Variants in COL14A1 observed in about 807,000 individuals in gnomAD.
COL14A1 encodes collagen type XIV alpha 1 chain.
Under a neutral mutation model 230.3 loss-of-function variants are expected in COL14A1, and 136 were observed. That is an observed-to-expected ratio of 0.59 (90% confidence interval 0.51 to 0.68). The LOEUF (loss-of-function observed/expected upper bound fraction) is 0.68, where lower values mean the gene tolerates loss of function less well. COL14A1 is among the 30% of genes least tolerant of loss of function. COL14A1 has a pLI of 0.00. For missense variants in COL14A1, 1,976 were observed against 2,215.8 expected (o/e 0.89, Z 2.17); for synonymous variants, 792 against 784.1 (o/e 1.01, Z -0.17).
chr8:120,339,393 T>A (rs1243623863), intron 42 of COL14A1, among the ~76,000 whole-genome samples: 2 of 152,214 alleles, frequency 1.3e-5, no homozygotes, highest in Non-Finnish European at 2.9e-5. Context: ...CTCAGAAGGA[T>A]CCTTTGTGAG....
intron 44 of COL14A1, 112 bp downstream of exon 44, chr8:120,342,558 T>G (rs1822343333): frequency 1.0e-6 from 1 of 971,270 alleles, no homozygotes; most frequent in Non-Finnish European, 1.6e-6. Context: ...ATTGTCTTTG[T>G]GCAGACACAT....
intron 36 of COL14A1, among the ~76,000 whole-genome samples, chr8:120,305,762 T>C (rs6469909): frequency 0.54 from 82,015 of 151,892 alleles, 23,946 homozygotes; most frequent in African/African-American, 0.78. Flanking sequence ...TATTTTTGTC[T>C]TTAATTTTTG....
intron 14 of COL14A1, among the ~76,000 whole-genome samples, chr8:120,221,546 A>G (rs1224842207): frequency 1.6e-5 from 2 of 123,198 alleles, no homozygotes; most frequent in African/African-American, 6.9e-5. Context: ...TTTAACAGAT[A>G]CACACACACA....
rs1432961706 is a variant in COL14A1, at chr8:120,371,236, C to G, written c.*5C>G. On this transcript the variant is annotated 3_prime_UTR_variant, in exon 48 of 48. Transcript: ENST00000297848. ...CTGTGGGGCCCTGGAGTCTGATAGC[C>G]TCAGGAGAAATTTGAAGACCAACTG... 6.2e-7 allele frequency: 1 copy of G among 1,604,978 alleles called. No homozygotes were observed. The highest frequency in any genetic ancestry group is 1.1e-5 in the South Asian group (1 of 89,656).
At position 120,243,961 on chromosome 8, in the gene COL14A1, T is replaced by G; in HGVS notation, c.2432T>G (p.Ile811Ser). Reference sequence around the variant, plus strand: ...GAATACAAAGTCACAGTGACTCCCATCTACACGGATGGCGAAGGCGTCAGC... The same window carrying G: ...GAATACAAAGTCACAGTGACTCCCAGCTACACGGATGGCGAAGGCGTCAGC... ...DTEYKVTVTPIYTDGEGVSVS... is the reference protein window; with the variant it reads ...DTEYKVTVTPSYTDGEGVSVS... Residue 811 changes from isoleucine to serine, a missense_variant, in exon 20 of 48, where the codon ATC becomes AGC. Ile to Ser is a moderately radical substitution (Grantham distance 142). Transcript: ENST00000297848. 6.2e-7 allele frequency: 1 copy of G among 1,613,660 alleles called. No homozygotes were observed. Among genetic ancestry groups the G allele is most frequent in the East Asian group, 2.2e-5 (1 of 44,870 alleles).
intron 40 of COL14A1, among the ~76,000 whole-genome samples, chr8:120,331,925 C>T (rs1040322113): frequency 1.3e-5 from 2 of 152,150 alleles, no homozygotes; most frequent in African/African-American, 4.8e-5. Context: ...GCATTTCTTA[C>T]GCCTAAAATT....
chr8:120,185,922 G>C (rs1453569523), intron 5 of COL14A1, among the ~76,000 whole-genome samples: 1 of 152,082 alleles, frequency 6.6e-6, no homozygotes, highest in African/African-American at 2.4e-5. Context: ...ACTGACGCCT[G>C]CCACCACGAC....
rs574986046 is a variant in COL14A1, at chr8:120,181,951, C to T, written c.436+13704C>T. Among the ~76,000 whole-genome samples the T allele has an allele frequency of 2.8e-4, 43 of 152,166 alleles. No individual in the cohort carries two copies. In the South Asian group the frequency reaches 7.5e-3, roughly 26 times the overall value. On this transcript the variant is annotated intron_variant, in intron 5 of 47. Transcript: ENST00000297848. The stretch of plus-strand genomic sequence containing the variant: ...TAGGAGACAGAATGACACTCCTCCC[C>T]GTCACCCCCCTCCCCGAAAAGTTAT...
Position 120,283,731 on chromosome 8 carries a change from A to C in COL14A1, c.3920A>C (p.Glu1307Ala), listed in dbSNP as rs141399351. 5 of 1,613,098 alleles carry C rather than the reference A, an allele frequency of 3.1e-6. No homozygotes were observed. The highest frequency in any genetic ancestry group is 4.2e-6 in the Non-Finnish European group (5 of 1,179,766). Residue 1307 changes from glutamate (E) to alanine (A), a missense_variant, in exon 32 of 48, where the codon GAG (glutamate) becomes GCG (alanine). Around this residue, in one of 3 missense-constraint regions of COL14A1, gnomAD observed 1,791 missense variants for 2,019.5 expected, o/e 0.89. Transcript: ENST00000297848. The stretch of plus-strand genomic sequence containing the variant: ...CCACAGGAGCCATTTGCTCTTTGGG[A>C]GATTTTAAATAAAAATTCTGACCCA... ...DTPQEPFALW[E>A]ILNKNSDPLV...
chr8:120,350,799 C>T (rs1822725706), intron 45 of COL14A1, among the ~76,000 whole-genome samples: 1 of 151,120 alleles, frequency 6.6e-6, no homozygotes, highest in African/African-American at 2.4e-5. Context: ...GAGACTTTAA[C>T]ACCCCACTGT....
intron 14 of COL14A1, among the ~76,000 whole-genome samples, chr8:120,223,094 A>G (rs1364831611): frequency 1.3e-5 from 2 of 152,204 alleles, no homozygotes; most frequent in Admixed American, 6.5e-5. Context: ...TGGGAAAGGC[A>G]AGGACCTGAA....
chr8:120,370,186 A>C, intron 47 of COL14A1: 1 of 732,188 alleles, frequency 1.4e-6, no homozygotes, highest in South Asian at 1.7e-5. Flanking sequence ...GGGGCCATGA[A>C]CTTACTAGTT....
chr8:120,293,056 T>A (rs1307686139), intron 34 of COL14A1, among the ~76,000 whole-genome samples: 2 of 152,080 alleles, frequency 1.3e-5, no homozygotes, highest in Non-Finnish European at 2.9e-5. Context: ...TCCAAACTTT[T>A]TTCTCCTAAA....
At chr8:120,252,326 TA>T (rs985340353) in intron 22 of COL14A1, among the ~76,000 whole-genome samples, 46 of 152,298 alleles carry the variant, frequency 3.0e-4, no homozygotes, top group Middle Eastern at 6.8e-3. Flanking sequence ...CATAGTCTGT[TA>T]TCCCTCACCC....
intron 42 of COL14A1, among the ~76,000 whole-genome samples, chr8:120,336,201 G>A (rs373950591): frequency 6.6e-6 from 1 of 152,164 alleles, no homozygotes; most frequent in Non-Finnish European, 1.5e-5. Flanking sequence ...GGCAGAAAGT[G>A]TGAAATGCCT....
intron 36 of COL14A1, 40 bp downstream of exon 36, chr8:120,300,858 A>G: frequency 1.4e-6 from 2 of 1,459,618 alleles, no homozygotes; most frequent in East Asian, 2.3e-5. Context: ...TTCTTTAATA[A>G]TATTAATAGC....
chr8:120,179,590 A>T (rs1158798003), intron 5 of COL14A1, among the ~76,000 whole-genome samples: 2 of 152,240 alleles, frequency 1.3e-5, no homozygotes, highest in African/African-American at 4.8e-5. Context: ...GGAAGAATCA[A>T]TATTGTGAAA....
At chr8:120,127,602 G>A (rs970025619) in intron 1 of COL14A1, among the ~76,000 whole-genome samples, 2 of 152,202 alleles carry the variant, frequency 1.3e-5, no homozygotes, top group East Asian at 1.9e-4. Flanking sequence ...TGAACAAATC[G>A]ATCTGATTTG....
chr8:120,158,008 T>C lies in COL14A1; in HGVS notation c.89-122T>C, dbSNP rs540847679. On this transcript the variant is annotated intron_variant, in intron 2 of 47. Coordinates refer to ENST00000297848, the MANE Select transcript of COL14A1 (RefSeq NM_021110.4). The stretch of plus-strand genomic sequence containing the variant: ...TCAAAAAGCATATGTATATATATTA[T>C]ATATTTTGAGGCTGATGAAGTCTTT... The C allele has an allele frequency of 1.8e-4, 103 of 573,762 alleles. 1 individual carries two copies. The South Asian group carries it at 2.3e-3, about 13-fold the overall frequency. The allele number at this position is 573,762 out of a possible 1,614,324, so 35.5% of individuals were successfully genotyped here. A position where few individuals can be genotyped will look rare whatever the true frequency, so the allele number is the denominator to read the frequency against.
Sources: gnomAD v4.1 joint callset for allele counts (sites outside exome capture counted in the v4.1 genomes callset) on GRCh38, gnomAD v4.1.1 for gene constraint, gnomAD v4.1.1 regional missense constraint, MANE v1.5 for transcripts, NCBI Gene and HGNC (gene_info 2026-07-23, HGNC 2026-07-21) for gene names.